The following GSE1 variants were observed in gnomAD, a reference collection of about 807,000 sequenced individuals.
GSE1 encodes the protein Gse1 coiled-coil protein, also known as genetic suppressor element 1.
A neutral mutation model predicts 112.6 loss-of-function variants in GSE1; 32 were observed. The observed-to-expected ratio is 0.28, with a 90% CI of 0.21 to 0.38. The LOEUF (loss-of-function observed/expected upper bound fraction) is 0.38. GSE1 is among the 10% of genes least tolerant of loss of function. The probability of loss-of-function intolerance (pLI) is 1.00; values close to 1 mark genes in which losing one functional copy is unlikely to be tolerated. For missense variants in GSE1, 2,348 were observed against 1,699.2 expected (o/e 1.38, Z -6.71); for synonymous variants, 1,115 against 735.6 (o/e 1.52, Z -8.35).
At chr16:85,485,001 C>T (rs2050788493) in intron 2 of GSE1, among the ~76,000 whole-genome samples, 1 of 152,126 alleles carries the variant, frequency 6.6e-6, no homozygotes, top group Non-Finnish European at 1.5e-5. Flanking sequence ...AGCACCTGTC[C>T]TAGGCCCGGG....
At chr16:85,430,904 G>A (rs1400020914) in intron 2 of GSE1, among the ~76,000 whole-genome samples, 1 of 152,218 alleles carries the variant, frequency 6.6e-6, no homozygotes, top group Non-Finnish European at 1.5e-5. Context: ...AGGCCTGGGA[G>A]CCTGCGTTCC....
intron 9 of GSE1, chr16:85,662,770 C>G (rs991724334): frequency 7.4e-6 from 4 of 544,062 alleles, no homozygotes; most frequent in Non-Finnish European, 9.8e-6. Flanking sequence ...AGCCATGGAT[C>G]CCAGGGAAGC....
Position 85,488,888 on chromosome 16 carries a change from C to T in GSE1, c.2464+131245C>T, listed in dbSNP as rs529788427. ...GAAGGTGAAACAGCAGAAGACCCCC[C>T]CATTCTAACAGCCCCCCGGGGGTCA... is the stretch of plus-strand genomic sequence containing the variant. On this transcript the variant is annotated intron_variant, in intron 2 of 2. Coordinates refer to the GSE1 transcript ENST00000637419. Among the ~76,000 whole-genome samples, 29 of 152,220 alleles carry T rather than the reference C, an allele frequency of 1.9e-4. 1 individual carries two copies. The highest frequency in any genetic ancestry group is 7.0e-4 in the African/African-American group (29 of 41,534).
intron 2 of GSE1, among the ~76,000 whole-genome samples, chr16:85,440,454 C>G (rs143334642): frequency 2.0e-3 from 303 of 152,330 alleles, no homozygotes; most frequent in African/African-American, 7.1e-3. Context: ...TCACGTGCAT[C>G]TGAGATGAAC....
chr16:85,563,776 A>G (rs1031970785), intron 1 of GSE1, among the ~76,000 whole-genome samples: 2 of 152,192 alleles, frequency 1.3e-5, no homozygotes, highest in African/African-American at 4.8e-5. Context: ...GAGGGACCTC[A>G]GAGGTCAGAC....
chr16:85,291,455 C>T (rs918772081), intron 1 of GSE1, among the ~76,000 whole-genome samples: 7 of 152,176 alleles, frequency 4.6e-5, no homozygotes, highest in Non-Finnish European at 8.8e-5. Flanking sequence ...TCGGAGGGGA[C>T]GCCGCCCTCC....
At chr16:85,324,881 G>A (rs1409401402) in intron 1 of GSE1, among the ~76,000 whole-genome samples, 4 of 152,178 alleles carry the variant, frequency 2.6e-5, no homozygotes, top group African/African-American at 7.2e-5. Context: ...TTAGTTGCAC[G>A]GCATTGTGAA....
intron 2 of GSE1, among the ~76,000 whole-genome samples, chr16:85,425,091 C>T (rs1212568410): frequency 2.6e-5 from 4 of 152,212 alleles, no homozygotes; most frequent in South Asian, 2.1e-4. Context: ...GGACTCCGGT[C>T]GGCCCTCCCT....
intron 1 of GSE1, among the ~76,000 whole-genome samples, chr16:85,195,707 A>G (rs1382210168): frequency 1.3e-5 from 2 of 152,178 alleles, no homozygotes; most frequent in African/African-American, 4.8e-5. Context: ...AACCCCATGA[A>G]CTTAACCACG....
At chr16:85,457,733 G>A (rs549867173) in intron 2 of GSE1, among the ~76,000 whole-genome samples, 1 of 152,234 alleles carries the variant, frequency 6.6e-6, no homozygotes, top group African/African-American at 2.4e-5. Context: ...GCTTCAGCCC[G>A]GCTGGGCAGA....
intron 2 of GSE1, among the ~76,000 whole-genome samples, chr16:85,369,128 TC>T (rs1407758386): frequency 6.6e-6 from 1 of 152,212 alleles, no homozygotes; most frequent in Admixed American, 6.5e-5. Flanking sequence ...CAGGACTGGC[TC>T]CTCCTGGAGG....
At chr16:85,437,660 C>T (rs911682317) in intron 2 of GSE1, among the ~76,000 whole-genome samples, 1 of 152,156 alleles carries the variant, frequency 6.6e-6, no homozygotes, top group Admixed American at 6.5e-5. Flanking sequence ...GCCTGTCCTA[C>T]CTGTCTCCTG....
intron 2 of GSE1, among the ~76,000 whole-genome samples, chr16:85,434,339 A>ATCATCATC (rs1555511288): frequency 0.12 from 12,082 of 104,072 alleles, 512 homozygotes; most frequent in Middle Eastern, 0.2. Context: ...TAATAATAAT[A>ATCATCATC]ATAATAATCA....
Position 85,170,175 on chromosome 16 carries a change from G to C in GSE1, c.651G>C (p.Pro217=), listed in dbSNP as rs966414222. The C allele has an allele frequency of 4.1e-6, 4 of 985,166 alleles. No homozygotes were observed. The African/African-American group carries it at 5.2e-5, about 13-fold the overall frequency. The allele number at this position is 985,166 out of a possible 1,614,324, so 61.0% of individuals were successfully genotyped here. Residue 217 remains proline (P), a synonymous_variant, in exon 1 of 3, where the codon CCG becomes CCC. Coordinates refer to the GSE1 transcript ENST00000637419. ...GCGGCCAGGAGTGGAGGCCGGCTCC[G>C]GGACCCGCTCCGGGACAGGGCGCAG...
At chr16:85,277,283 C>A (rs1489665737) in intron 1 of GSE1, among the ~76,000 whole-genome samples, 2 of 152,038 alleles carry the variant, frequency 1.3e-5, no homozygotes, top group African/African-American at 4.8e-5. Flanking sequence ...CCAGACGGGC[C>A]CAGGCTGGGT....
intron 1 of GSE1, among the ~76,000 whole-genome samples, chr16:85,242,980 T>C (rs887383794): frequency 2.6e-5 from 4 of 151,956 alleles, no homozygotes; most frequent in Non-Finnish European, 5.9e-5. Flanking sequence ...TCCAGCTAAT[T>C]TTTAAAAATT....
chr16:85,532,502 T>A (rs1016902285), intron 2 of GSE1, among the ~76,000 whole-genome samples: 1 of 152,162 alleles, frequency 6.6e-6, no homozygotes, highest in Non-Finnish European at 1.5e-5. Flanking sequence ...GTTCAAGCAG[T>A]CCTCCTGCCT....
At chr16:85,223,350 C>T (rs2075426400) in intron 1 of GSE1, among the ~76,000 whole-genome samples, 1 of 152,056 alleles carries the variant, frequency 6.6e-6, no homozygotes, top group Non-Finnish European at 1.5e-5. Context: ...TGGTGAAACC[C>T]CATCTCCACC....
chr16:85,489,860 G>C (rs1381535785), intron 2 of GSE1: 1 of 152,242 alleles, frequency 6.6e-6, no homozygotes, highest in Non-Finnish European at 1.5e-5. Flanking sequence ...TTTAGGAGAA[G>C]AGGAGAGACA....
Sources: allele counts gnomAD v4.1 joint callset (sites outside exome capture counted in the v4.1 genomes callset), GRCh38; gene constraint gnomAD v4.1.1; transcripts MANE v1.5; gene names NCBI Gene and HGNC (gene_info 2026-07-23, HGNC 2026-07-21).